Variants in SF3B2 observed in about 807,000 individuals in gnomAD.
The protein encoded by SF3B2 is SAP 145.
In SF3B2, 22 loss-of-function variants were observed where a neutral mutation model predicts 116.3. The observed-to-expected ratio is 0.19, with a 90% CI of 0.14 to 0.27. SF3B2 has a LOEUF of 0.27. Ranked by LOEUF, SF3B2 falls within the 10% of genes least tolerant of loss-of-function variation. SF3B2 has a pLI of 1.00. For synonymous variants in SF3B2, 406 were observed against 421.6 expected (o/e 0.96, Z 0.45); for missense variants, 767 against 1,151.4 (o/e 0.67, Z 4.83).
In SF3B2 at chr11:66,069,252, A is replaced by C. The variant is rs750069188; in HGVS notation, c.*507A>C. 3.2e-4 allele frequency: 124 copies of C among 387,610 alleles called. No individual in the cohort carries two copies. The highest frequency in any genetic ancestry group is 6.0e-4 in the Non-Finnish European group (111 of 186,334). 24.0% of individuals were successfully genotyped at this position (387,610 alleles called of 1,614,324 possible). ...CTTCCCAACTGACCTTGTGACCAGAAGTTCAAGTCCTTACCTGTGCGACAA... is the reference window on the plus strand; with the variant it reads ...CTTCCCAACTGACCTTGTGACCAGACGTTCAAGTCCTTACCTGTGCGACAA... On this transcript the variant is annotated 3_prime_UTR_variant, in exon 22 of 22. Transcript: ENST00000322535.
At chr11:66,054,997 A>C in intron 3 of SF3B2, 79 bp from the exon 4 acceptor site, 1 of 1,400,740 alleles carries the variant, frequency 7.1e-7, no homozygotes, top group Non-Finnish European at 9.6e-7. Flanking sequence ...CCAGCTCCTG[A>C]CTCAAAGTAG....
chr11:66,059,138 G>A lies in SF3B2; in HGVS notation c.1183-63G>A. On this transcript the variant is annotated intron_variant, in intron 10 of 21. Coordinates refer to ENST00000322535, the MANE Select transcript of SF3B2 (RefSeq NM_006842.3). The surrounding 1 kb of genome is among the most constrained non-coding windows in gnomAD (Gnocchi z 5.0). ...CAGCGGTGAACAGGCATCTTTTAGT[G>A]CTGGCCTTAGGAACTGGGAAGGGGC... 6.2e-7 allele frequency: 1 copy of A among 1,611,924 alleles called. No individual in the cohort carries two copies. The highest frequency in any genetic ancestry group is 8.5e-7 in the Non-Finnish European group (1 of 1,178,774).
intron 7 of SF3B2, 60 bp from the exon 8 acceptor site, chr11:66,057,991 GAAA>G (rs1389624813): frequency 8.6e-7 from 1 of 1,168,170 alleles, no homozygotes; most frequent in African/African-American, 1.6e-5. Flanking sequence ...AAAAAAGAAA[GAAA>G]GAAAAAAAAA....
chr11:66,065,839 G>A (rs1402162108), intron 19 of SF3B2: 2 of 152,142 alleles, frequency 1.3e-5, no homozygotes, highest in Non-Finnish European at 2.9e-5. Context: ...TTTTGAACAT[G>A]TGGAATGCAG....
rs1292138639 is a variant in SF3B2 at position 66,058,369 on chromosome 11, G to A, written c.930G>A (p.Glu310=). 8 of 1,614,006 alleles carry A rather than the reference G, an allele frequency of 5.0e-6. No individual in the cohort carries two copies. The highest frequency in any genetic ancestry group is 6.8e-6 in the Non-Finnish European group (8 of 1,180,022). Residue 310 remains glutamate (E), a synonymous_variant, in exon 9 of 22, where the codon GAG becomes GAA. Transcript: ENST00000322535. ...ARSSLGQSAS[E]TEEDTVSVSK... ...CGTCCCTGGGCCAGTCAGCGTCAGA[G>A]ACTGAGGAGGACACAGTGTCCGTAT...
chr11:66,059,297 G>A lies in SF3B2; in HGVS notation c.1279G>A (p.Glu427Lys), dbSNP rs1260668698. The A allele has an allele frequency of 6.2e-7, 1 of 1,614,016 alleles. No individual in the cohort carries two copies. Among genetic ancestry groups the A allele is most frequent in the Non-Finnish European group, 8.5e-7 (1 of 1,179,990 alleles). ...AAPKKKGFEE[E>K]HKDSDDDSSD... is the part of the protein sequence containing the mutation. ...CCCCAAGAAGAAGGGATTTGAAGAG[G>A]AGCACAAGGACAGTGATGATGACAG... The change falls in exon 11 of 22, where the codon GAG becomes AAG. Residue 427 changes from glutamate to lysine, a missense_variant. Physicochemically the swap from Glu to Lys is moderately conservative, Grantham distance 56. Around this residue, in one of 4 missense-constraint regions of SF3B2, gnomAD observed 282 missense variants for 568.0 expected, o/e 0.50. Coordinates refer to ENST00000322535, the MANE Select transcript of SF3B2 (RefSeq NM_006842.3). This position sits in a 1 kb window ranked among gnomAD's most constrained non-coding sequence, Gnocchi z 5.0.
chr11:66,068,468 A>T, intron 21 of SF3B2, 135 bp downstream of exon 21: 1 of 1,026,016 alleles, frequency 9.7e-7, no homozygotes, highest in African/African-American at 1.6e-5. Flanking sequence ...TAGATTTGGA[A>T]GTCTTAGAAA....
At chr11:66,067,457 A>G (rs527800729) in intron 19 of SF3B2, 4 of 456,280 alleles carry the variant, frequency 8.8e-6, no homozygotes, top group East Asian at 1.4e-4. Flanking sequence ...CTGGGGTGAT[A>G]GTGGTAGATT....
chr11:66,063,440 GGGAACT>G lies in SF3B2; in HGVS notation c.2132_2137del (p.Leu711_Glu712del). 1 of 1,614,160 alleles carries G rather than the reference GGGAACT, an allele frequency of 6.2e-7. No homozygotes were observed. The highest frequency in any genetic ancestry group is 1.1e-5 in the South Asian group (1 of 91,076). On this transcript the variant is annotated inframe_deletion, in exon 18 of 22. Coordinates refer to ENST00000322535, the MANE Select transcript of SF3B2 (RefSeq NM_006842.3). ...GAAGAGATTGATCGGACCCCTTGGG[GGGAACT>G]GGAACCATCTGATGAAGAATCCTCA... is the stretch of plus-strand genomic sequence containing the variant.
At chr11:66,061,127 C>A (rs1351751368) in intron 14 of SF3B2, among the ~76,000 whole-genome samples, 3 of 152,168 alleles carry the variant, frequency 2.0e-5, no homozygotes, top group Admixed American at 2.0e-4. Context: ...TACGATAGTT[C>A]CTCAGCCTTA....
chr11:66,058,532 T>C (rs1857043293), intron 9 of SF3B2, 127 bp downstream of exon 9: 1 of 714,030 alleles, frequency 1.4e-6, no homozygotes, highest in Admixed American at 2.8e-5. Context: ...CTCAGCATCT[T>C]ATAGATATTT....
intron 13 of SF3B2, 42 bp downstream of exon 13, chr11:66,060,051 C>A: frequency 6.4e-7 from 1 of 1,562,532 alleles, no homozygotes; most frequent in East Asian, 2.3e-5. Flanking sequence ...CGGGTGTCCC[C>A]ATCCTTCATA....
chr11:66,053,372 G>C (rs545693533), intron 3 of SF3B2: 4 of 481,880 alleles, frequency 8.3e-6, no homozygotes, highest in African/African-American at 7.8e-5. Context: ...CTTTTCCACT[G>C]TCTGCTTCTC....
chr11:66,058,290 T>G, intron 8 of SF3B2, 24 bp from the exon 9 acceptor site: 1 of 1,608,318 alleles, frequency 6.2e-7, no homozygotes, highest in Admixed American at 1.7e-5. Flanking sequence ...CCGTGAAGAC[T>G]CATCACCACC....
intron 19 of SF3B2, chr11:66,064,496 A>T (rs1857147054): frequency 6.6e-6 from 1 of 152,208 alleles, no homozygotes; most frequent in African/African-American, 2.4e-5. Flanking sequence ...TACATATGTT[A>T]TAAATCCTAT....
At chr11:66,060,901 G>C (rs1857091131) in intron 14 of SF3B2, among the ~76,000 whole-genome samples, 170 bp downstream of exon 14, 2 of 152,176 alleles carry the variant, frequency 1.3e-5, no homozygotes, top group Admixed American at 1.3e-4. Context: ...GGGGGCTCAA[G>C]CAGTCCTCCC....
chr11:66,063,209 C>A, intron 17 of SF3B2, 93 bp downstream of exon 17: 1 of 1,098,570 alleles, frequency 9.1e-7, no homozygotes, highest in East Asian at 2.4e-5. Context: ...GTTGTGTGTT[C>A]TGACACAGCA....
chr11:66,054,464 G>A (rs1315898124), intron 3 of SF3B2, among the ~76,000 whole-genome samples: 3 of 136,810 alleles, frequency 2.2e-5, no homozygotes, highest in Non-Finnish European at 1.6e-5. Context: ...GTGACAGAGC[G>A]AGACTCTTGT....
In SF3B2 at chr11:66,068,778, C is replaced by T. The variant is rs1278249982; in HGVS notation, c.*33C>T. On this transcript the variant is annotated 3_prime_UTR_variant, in exon 22 of 22. Transcript: ENST00000322535. ...CACACTAGCCCTTTTTTTGGCCCTA[C>T]GTCTGGATGCCTGGGCTTCACACAA... 22 of 1,549,582 alleles carry T rather than the reference C, an allele frequency of 1.4e-5. No homozygotes were observed. The highest frequency in any genetic ancestry group is 1.6e-5 in the Non-Finnish European group (18 of 1,123,128).
Sources: gnomAD v4.1 joint callset for allele counts (sites outside exome capture counted in the v4.1 genomes callset) on GRCh38, gnomAD v4.1.1 for gene constraint, gnomAD v4.1.1 regional missense constraint, Gnocchi (gnomAD v3.1) non-coding constraint, MANE v1.5 for transcripts, NCBI Gene and HGNC (gene_info 2026-07-23, HGNC 2026-07-21) for gene names.